The following FAT3 variants were observed in gnomAD, a reference collection of about 807,000 sequenced individuals.
FAT3 encodes the protein protocadherin Fat 3.
In FAT3, 95 loss-of-function variants were observed where a neutral mutation model predicts 310.2. The ratio of observed to expected loss-of-function variants is 0.31; its 90% confidence interval spans 0.26 to 0.36. The LOEUF is 0.36. Ranked by LOEUF, FAT3 falls within the 10% of genes least tolerant of loss-of-function variation. The pLI is 1.00. For missense variants in FAT3, 5,408 were observed against 5,715.6 expected (o/e 0.95, Z 1.74); for synonymous variants, 2,314 against 2,192.9 (o/e 1.06, Z -1.54).
At chr11:92,229,492 GTTT>G (rs780129800) in intron 1 of FAT3, among the ~76,000 whole-genome samples, 1 of 60,236 alleles carries the variant, frequency 1.7e-5, no homozygotes, top group Admixed American at 2.4e-4. Context: ...GTTTTTTCGT[GTTT>G]TTTTTTTTTT....
chr11:92,343,089 G>T (rs1948309429), intron 1 of FAT3, among the ~76,000 whole-genome samples: 1 of 152,040 alleles, frequency 6.6e-6, no homozygotes, highest in Non-Finnish European at 1.5e-5. Context: ...AATAAAGGAG[G>T]GTATTCGTAA....
intron 3 of FAT3, among the ~76,000 whole-genome samples, chr11:92,532,160 C>T (rs558067): frequency 0.43 from 65,281 of 151,714 alleles, 14,025 homozygotes; most frequent in Middle Eastern, 0.57. Context: ...TGTATGTGTA[C>T]ATATATATGT....
chr11:92,351,565 A>G (rs1278771506), intron 1 of FAT3, among the ~76,000 whole-genome samples: 2 of 152,174 alleles, frequency 1.3e-5, no homozygotes, highest in Admixed American at 6.5e-5. Context: ...CTGAAAATGC[A>G]CATCTTTTAT....
chr11:92,432,169 T>G lies in FAT3; in HGVS notation c.3292+76765T>G, dbSNP rs544625806. Among the ~76,000 whole-genome samples the G allele has an allele frequency of 1.7e-4, 26 of 152,306 alleles. No individual in the cohort carries two copies. The South Asian group carries it at 1.9e-3, about 11-fold the overall frequency. Reference sequence around the variant, plus strand: ...TCCATTTGTTTGTATCCTCTTTTATTTCGTTGAGCAGTGGTTTGTAGTTCT... The same window carrying G: ...TCCATTTGTTTGTATCCTCTTTTATGTCGTTGAGCAGTGGTTTGTAGTTCT... On this transcript the variant is annotated intron_variant, in intron 2 of 27. Coordinates refer to ENST00000525166, the MANE Select transcript of FAT3 (RefSeq NM_001367949.2).
At chr11:92,786,657 G>A (rs1946901300) in intron 7 of FAT3, among the ~76,000 whole-genome samples, 1 of 152,076 alleles carries the variant, frequency 6.6e-6, no homozygotes, top group African/African-American at 2.4e-5. Context: ...TTATGGGAAT[G>A]CAAAATGATA....
At chr11:92,328,445 TG>T in intron 1 of FAT3, among the ~76,000 whole-genome samples, 1 of 152,350 alleles carries the variant, frequency 6.6e-6, no homozygotes, top group South Asian at 2.1e-4. Flanking sequence ...TTGAGTTTTC[TG>T]TAATCATCGT....
chr11:92,787,085 G>A (rs1420923416), intron 7 of FAT3, among the ~76,000 whole-genome samples: 1 of 152,122 alleles, frequency 6.6e-6, no homozygotes, highest in Non-Finnish European at 1.5e-5. Flanking sequence ...TCCTCCAAGT[G>A]TTACAACCAA....
At chr11:92,886,792 A>C in intron 24 of FAT3, 1 of 547,564 alleles carries the variant, frequency 1.8e-6, no homozygotes, top group Non-Finnish European at 3.3e-6. Flanking sequence ...CTATGGGCTA[A>C]GGGTTTCGAA....
intron 3 of FAT3, among the ~76,000 whole-genome samples, chr11:92,546,985 T>C (rs552911256): frequency 1.2e-4 from 18 of 152,292 alleles, no homozygotes; most frequent in African/African-American, 4.3e-4. Context: ...TCCTATTAGG[T>C]GAGACGATTC....
At chr11:92,230,482 G>A (rs897683928) in intron 1 of FAT3, among the ~76,000 whole-genome samples, 3 of 151,934 alleles carry the variant, frequency 2.0e-5, no homozygotes, top group Non-Finnish European at 4.4e-5. Context: ...TTAGTAGACA[G>A]GGTGTTTCAC....
intron 3 of FAT3, among the ~76,000 whole-genome samples, chr11:92,551,414 T>TTGTGTGTG (rs71473973): frequency 0.016 from 2,000 of 128,832 alleles, 45 homozygotes; most frequent in African/African-American, 0.046. Context: ...TTTTTTTGTT[T>TTGTGTGTG]TGTGTGTGTG....
At position 92,798,834 on chromosome 11, in the gene FAT3, A is replaced by G. The variant is rs146317675; in HGVS notation, c.5821A>G (p.Ile1941Val). ...TGACTCAAACAGTGGAGTACTTACC[A>G]TAAAAAACAACAACCTCTCCAAGGA... Reference protein sequence around the residue: ...LIDSNSGVLTIKNNNLSKDHY... With the variant: ...LIDSNSGVLTVKNNNLSKDHY... The change falls in exon 10 of 28, where the codon ATA becomes GTA. Residue 1941 changes from isoleucine (I) to valine (V), a missense_variant. Ile to Val is a conservative substitution (Grantham distance 29). This residue lies in a region of FAT3 where 4,588 missense variants were observed against 4,809.8 expected (regional missense o/e 0.95). Transcript: ENST00000525166. 1.2e-4 allele frequency: 198 copies of G among 1,613,938 alleles called. 1 individual carries two copies. The African/African-American group carries it at 1.9e-3, about 16-fold the overall frequency.
At chr11:92,553,254 A>G (rs1444596277) in intron 3 of FAT3, among the ~76,000 whole-genome samples, 1 of 152,212 alleles carries the variant, frequency 6.6e-6, no homozygotes, top group Non-Finnish European at 1.5e-5. Flanking sequence ...CATCTTGTTC[A>G]TATATAAGAT....
intron 3 of FAT3, among the ~76,000 whole-genome samples, chr11:92,639,942 A>G (rs1941897786): frequency 1.3e-5 from 2 of 152,170 alleles, no homozygotes; most frequent in Non-Finnish European, 2.9e-5. Context: ...GGACAATGCC[A>G]GGCCAGTTTC....
intron 1 of FAT3, among the ~76,000 whole-genome samples, chr11:92,241,232 G>T (rs1864659913): frequency 6.6e-6 from 1 of 152,062 alleles, no homozygotes; most frequent in Non-Finnish European, 1.5e-5. Flanking sequence ...TGAGGCTCCT[G>T]AGCTTAACAG....
chr11:92,588,890 A>G (rs1343046577), intron 3 of FAT3, among the ~76,000 whole-genome samples: 1 of 151,716 alleles, frequency 6.6e-6, no homozygotes, highest in African/African-American at 2.4e-5. Flanking sequence ...ATTAATGAGG[A>G]ATTATATTAA....
chr11:92,703,932 G>A (rs1260597420), intron 4 of FAT3, among the ~76,000 whole-genome samples: 1 of 152,140 alleles, frequency 6.6e-6, no homozygotes, highest in Non-Finnish European at 1.5e-5. Context: ...TCCTAACTGT[G>A]CTCTCACGTT....
At chr11:92,841,548 G>A (rs991918078) in intron 18 of FAT3, among the ~76,000 whole-genome samples, 2 of 152,140 alleles carry the variant, frequency 1.3e-5, no homozygotes, top group African/African-American at 4.8e-5. Context: ...CCAGCTCCAA[G>A]CACATCAATG....
At chr11:92,821,670 G>T (rs542688863) in intron 13 of FAT3, among the ~76,000 whole-genome samples, 46 of 152,292 alleles carry the variant, frequency 3.0e-4, no homozygotes, top group South Asian at 2.5e-3. Context: ...CCAAAAACAC[G>T]CATGTGATGT....
Sources: gnomAD v4.1 joint callset for allele counts (sites outside exome capture counted in the v4.1 genomes callset) on GRCh38, gnomAD v4.1.1 for gene constraint, gnomAD v4.1.1 regional missense constraint, MANE v1.5 for transcripts, NCBI Gene and HGNC (gene_info 2026-07-23, HGNC 2026-07-21) for gene names.